Variants in TSHZ2 observed in about 807,000 individuals in gnomAD.
TSHZ2 encodes teashirt zinc finger homeobox 2, also known as teashirt homolog 2.
In TSHZ2, 21 loss-of-function variants were observed where a neutral mutation model predicts 74.4. The ratio of observed to expected loss-of-function variants is 0.28; its 90% confidence interval spans 0.20 to 0.41. TSHZ2 has a LOEUF of 0.41. TSHZ2 is among the 10% of genes least tolerant of loss of function. The pLI is 1.00. For synonymous variants in TSHZ2, 540 were observed against 515.3 expected (o/e 1.05, Z -0.65); for missense variants, 1,244 against 1,293.5 (o/e 0.96, Z 0.59).
intron 2 of TSHZ2, among the ~76,000 whole-genome samples, chr20:53,395,371 G>A (rs1239664057): frequency 6.6e-6 from 1 of 152,220 alleles, no homozygotes; most frequent in East Asian, 1.9e-4. Context: ...GCAGGAAAGG[G>A]TTGGGTGTGT....
Position 53,460,816 on chromosome 20 carries a change from G to A in TSHZ2, c.*9-26328G>A, listed in dbSNP as rs1192995062. ...GTTGGAATACCCTGCCGTGTGAGGT[G>A]TCAGTGTGCCCCTGCTGGGGGGTGC... is the stretch of plus-strand genomic sequence containing the variant. On this transcript the variant is annotated intron_variant, in intron 2 of 2. Transcript: ENST00000371497. 2.6e-5 allele frequency among the ~76,000 whole-genome samples: 4 copies of A among 152,216 alleles called. No homozygotes were observed. The South Asian group carries it at 8.3e-4, about 31-fold the overall frequency.
At chr20:53,199,751 T>C (rs1988954630) in intron 1 of TSHZ2, among the ~76,000 whole-genome samples, 1 of 152,166 alleles carries the variant, frequency 6.6e-6, no homozygotes, top group South Asian at 2.1e-4. Flanking sequence ...GACTAGTGTT[T>C]GTAGAACAAC....
chr20:53,358,883 C>T (rs1026211111), intron 2 of TSHZ2, among the ~76,000 whole-genome samples: 4 of 152,024 alleles, frequency 2.6e-5, no homozygotes, highest in African/African-American at 9.7e-5. Flanking sequence ...ATGAAGTGAC[C>T]GCTTTGAATA....
At chr20:53,452,735 A>AATATT (rs1454209412) in intron 2 of TSHZ2, among the ~76,000 whole-genome samples, 1 of 152,192 alleles carries the variant, frequency 6.6e-6, no homozygotes, top group Non-Finnish European at 1.5e-5. Flanking sequence ...AGTATAAAAC[A>AATATT]ATATTATGTG....
At chr20:53,430,080 A>G (rs1474069951) in intron 2 of TSHZ2, among the ~76,000 whole-genome samples, 2 of 152,142 alleles carry the variant, frequency 1.3e-5, no homozygotes, top group East Asian at 1.9e-4. Flanking sequence ...TTCTATAGAC[A>G]TTATTGGACA....
At position 53,253,791 on chromosome 20, in the gene TSHZ2, C is replaced by T. The variant is rs1352739912; in HGVS notation, c.333C>T (p.His111=). Residue 111 remains histidine, a synonymous_variant, in exon 2 of 3, where the codon CAC becomes CAT. Coordinates refer to ENST00000371497, the MANE Select transcript of TSHZ2 (RefSeq NM_173485.6). The part of the protein sequence containing the change: ...RDASDKKAHT[H]VRLPNEAHNC... ...CCTCAGACAAGAAAGCACACACTCACGTCAGGCTTCCAAACGAAGCACACA... is the reference window on the plus strand; with the variant it reads ...CCTCAGACAAGAAAGCACACACTCATGTCAGGCTTCCAAACGAAGCACACA... 8 of 1,614,196 alleles carry T rather than the reference C, an allele frequency of 5.0e-6. No homozygotes were observed. Among genetic ancestry groups the T allele is most frequent in the Admixed American group, 1.7e-5 (1 of 60,030 alleles).
intron 2 of TSHZ2, among the ~76,000 whole-genome samples, chr20:53,454,395 T>C (rs1568925211): frequency 3.3e-5 from 5 of 151,682 alleles, no homozygotes; most frequent in South Asian, 2.1e-4. Context: ...CACCCCATCT[T>C]TACTAAAAAT....
intron 1 of TSHZ2, among the ~76,000 whole-genome samples, chr20:53,066,557 T>A (rs747308719): frequency 1.3e-5 from 2 of 152,106 alleles, no homozygotes; most frequent in Non-Finnish European, 2.9e-5. Flanking sequence ...CCTAGCTCTG[T>A]CACCAGGCTG....
chr20:53,481,331 G>C (rs1986143673), intron 2 of TSHZ2, among the ~76,000 whole-genome samples: 1 of 152,074 alleles, frequency 6.6e-6, no homozygotes, highest in Admixed American at 6.6e-5. Context: ...CAACACTTTG[G>C]GAGGTCAAGG....
intron 1 of TSHZ2, among the ~76,000 whole-genome samples, chr20:53,151,275 G>A (rs1225763051): frequency 6.6e-6 from 1 of 152,188 alleles, no homozygotes; most frequent in Non-Finnish European, 1.5e-5. Context: ...GATGGATCAA[G>A]AATGGACTAA....
intron 1 of TSHZ2, among the ~76,000 whole-genome samples, chr20:53,130,824 G>C (rs1375002419): frequency 6.6e-6 from 1 of 152,150 alleles, no homozygotes; most frequent in African/African-American, 2.4e-5. Context: ...CAATTAATAC[G>C]AGCATCAAGC....
chr20:52,985,350 C>T (rs189363002), intron 1 of TSHZ2, among the ~76,000 whole-genome samples: 7 of 152,244 alleles, frequency 4.6e-5, no homozygotes, highest in African/African-American at 1.4e-4. Flanking sequence ...CCAGATAATA[C>T]GCTTAACACC....
chr20:53,333,085 C>T (rs984746990), intron 2 of TSHZ2, among the ~76,000 whole-genome samples: 1 of 152,190 alleles, frequency 6.6e-6, no homozygotes, highest in African/African-American at 2.4e-5. Flanking sequence ...CCATAAGCTC[C>T]ATGACATCAA....
chr20:53,215,481 G>T (rs1357802389), intron 1 of TSHZ2, among the ~76,000 whole-genome samples: 1 of 150,940 alleles, frequency 6.6e-6, no homozygotes. Context: ...AGCTCCTTCA[G>T]CTATGGTCTA....
chr20:53,460,268 T>G (rs1985299658), intron 2 of TSHZ2, among the ~76,000 whole-genome samples: 2 of 152,106 alleles, frequency 1.3e-5, no homozygotes, highest in African/African-American at 4.8e-5. Flanking sequence ...TTTTATTCTT[T>G]TTTCTCTAAA....
chr20:53,293,713 A>C (rs545252573), intron 2 of TSHZ2, among the ~76,000 whole-genome samples: 1 of 148,336 alleles, frequency 6.7e-6, no homozygotes, highest in Non-Finnish European at 1.5e-5. Flanking sequence ...AAAAAAAAAA[A>C]AAAAAGAAAA....
At chr20:53,357,186 T>C (rs1187866353) in intron 2 of TSHZ2, among the ~76,000 whole-genome samples, 1 of 152,244 alleles carries the variant, frequency 6.6e-6, no homozygotes, top group Non-Finnish European at 1.5e-5. Flanking sequence ...GGAGAACTTT[T>C]AATAATCACT....
intron 2 of TSHZ2, among the ~76,000 whole-genome samples, chr20:53,301,219 A>T (rs971719929): frequency 6.6e-6 from 1 of 152,126 alleles, no homozygotes; most frequent in Admixed American, 6.5e-5. Flanking sequence ...CAGCCTCCCA[A>T]AGTGCTGGGA....
intron 1 of TSHZ2, among the ~76,000 whole-genome samples, chr20:52,990,612 A>T (rs917475826): frequency 6.6e-6 from 1 of 152,146 alleles, no homozygotes; most frequent in African/African-American, 2.4e-5. Flanking sequence ...AGGTGTGTGG[A>T]TGGGGTCGGG....
Sources: allele counts gnomAD v4.1 joint callset (sites outside exome capture counted in the v4.1 genomes callset), GRCh38; gene constraint gnomAD v4.1.1; transcripts MANE v1.5; gene names NCBI Gene and HGNC (gene_info 2026-07-23, HGNC 2026-07-21).